The following GRIP1 variants were observed in gnomAD, a reference collection of about 807,000 sequenced individuals.
GRIP1 encodes glutamate receptor-interacting protein 1.
Under a neutral mutation model 129.9 loss-of-function variants are expected in GRIP1, and 45 were observed. That is an observed-to-expected ratio of 0.35 (90% CI 0.27 to 0.44). The LOEUF (loss-of-function observed/expected upper bound fraction) is 0.44, where lower values mean the gene tolerates loss of function less well. GRIP1 is among the 20% of genes least tolerant of loss of function. The probability of loss-of-function intolerance (pLI) is 1.00; values close to 1 mark genes in which losing one functional copy is unlikely to be tolerated. For missense variants in GRIP1, 1,196 were observed against 1,396.8 expected, an observed-to-expected ratio of 0.86 and a Z score of 2.29; for synonymous variants, 530 against 520.8, an observed-to-expected ratio of 1.02 and a Z score of -0.24.
At chr12:66,816,666 T>C (rs1014911744) in intron 1 of GRIP1, among the ~76,000 whole-genome samples, 3 of 152,208 alleles carry the variant, frequency 2.0e-5, no homozygotes, top group African/African-American at 7.2e-5. Context: ...TTTTAAAATA[T>C]AGCCTCAAAA....
At chr12:66,946,005 C>T (rs189738807) in intron 1 of GRIP1, among the ~76,000 whole-genome samples, 1 of 152,336 alleles carries the variant, frequency 6.6e-6, no homozygotes, top group East Asian at 1.9e-4. Flanking sequence ...TCCTCCCCTT[C>T]CTTCTTCCTG....
rs148920025 is a variant in GRIP1, at chr12:66,888,115, T to C, written c.58+180935A>G. ...CTCTGTTGCCCAGGCTGGAGTGCAG[T>C]AGTGCAATCACCACTTACTGCAACC... On this transcript the variant is annotated intron_variant, in intron 1 of 1. Transcript: ENST00000643019. Among the ~76,000 whole-genome samples, 1,317 of 152,250 alleles carry C rather than the reference T, an allele frequency of 8.7e-3. 18 individuals carry two copies. Among genetic ancestry groups the C allele is most frequent in the African/African-American group, 0.03 (1,241 of 41,532 alleles).
chr12:66,760,996 T>C (rs908472633), intron 1 of GRIP1, among the ~76,000 whole-genome samples: 2 of 152,108 alleles, frequency 1.3e-5, no homozygotes, highest in Middle Eastern at 6.3e-3. Context: ...CAGCATAGCA[T>C]GTCACCACAA....
chr12:66,962,637 A>C (rs2041938626), intron 1 of GRIP1, among the ~76,000 whole-genome samples: 2 of 152,192 alleles, frequency 1.3e-5, no homozygotes, highest in South Asian at 4.1e-4. Flanking sequence ...TTAATGAGCC[A>C]GTAAATGTGC....
intron 23 of GRIP1, among the ~76,000 whole-genome samples, chr12:66,369,340 C>CTTTTTTTTT (rs758593628): frequency 1.9e-5 from 2 of 106,790 alleles, no homozygotes; most frequent in African/African-American, 3.9e-5. Flanking sequence ...TTAACAAGAT[C>CTTTTTTTTT]TTTTTTTTTT....
intron 14 of GRIP1, among the ~76,000 whole-genome samples, chr12:66,431,443 A>C (rs1592850070): frequency 6.6e-6 from 1 of 152,172 alleles, no homozygotes; most frequent in African/African-American, 2.4e-5. Context: ...TTAGTGTTGC[A>C]GTAGATATGT....
intron 1 of GRIP1, among the ~76,000 whole-genome samples, chr12:66,955,504 G>GTTT (rs71088226): frequency 4.4e-5 from 5 of 114,538 alleles, no homozygotes; most frequent in East Asian, 2.5e-4. Context: ...TACTTTTTTG[G>GTTT]TTTTTTTTTT....
At chr12:66,947,760 C>T (rs1021050345) in intron 1 of GRIP1, among the ~76,000 whole-genome samples, 6 of 152,204 alleles carry the variant, frequency 3.9e-5, no homozygotes, top group African/African-American at 7.2e-5. Context: ...ACTTCTCCTG[C>T]GACAGGCTAT....
chr12:66,880,293 T>C (rs539162519), intron 1 of GRIP1, among the ~76,000 whole-genome samples: 2 of 152,058 alleles, frequency 1.3e-5, no homozygotes, highest in African/African-American at 4.8e-5. Context: ...AAAAGGGAGT[T>C]GGGGGGATGG....
intron 1 of GRIP1, among the ~76,000 whole-genome samples, chr12:66,835,016 GCA>G (rs961959150): frequency 2.0e-5 from 3 of 152,006 alleles, no homozygotes; most frequent in African/African-American, 7.2e-5. Flanking sequence ...TCTGAGAAAG[GCA>G]CTGAGAAGAG....
At chr12:66,820,067 A>G (rs2039291471) in intron 1 of GRIP1, among the ~76,000 whole-genome samples, 1 of 152,138 alleles carries the variant, frequency 6.6e-6, no homozygotes, top group Non-Finnish European at 1.5e-5. Context: ...GTGAATACTG[A>G]AGAAATATCT....
intron 13 of GRIP1, among the ~76,000 whole-genome samples, chr12:66,440,859 C>T (rs969136759): frequency 2.0e-5 from 3 of 152,182 alleles, no homozygotes; most frequent in African/African-American, 7.2e-5. Context: ...GCAAAATTGA[C>T]CCCAGTTGAG....
intron 1 of GRIP1, among the ~76,000 whole-genome samples, chr12:66,812,028 G>A (rs1026740833): frequency 6.6e-6 from 1 of 151,850 alleles, no homozygotes; most frequent in Admixed American, 6.6e-5. Context: ...AACTTATTTG[G>A]GTTAATAGCA....
intron 1 of GRIP1, among the ~76,000 whole-genome samples, chr12:66,722,696 C>A (rs924847522): frequency 3.3e-5 from 5 of 152,106 alleles, no homozygotes; most frequent in Admixed American, 1.3e-4. Context: ...TATGTAGCTT[C>A]TGGAATAAAT....
At chr12:66,848,265 T>C (rs7962844) in intron 1 of GRIP1, among the ~76,000 whole-genome samples, 146,638 of 152,078 alleles carry the variant, frequency 0.96, 70,952 homozygotes, top group East Asian at 1. Context: ...CCTCTCTCTT[T>C]CCACTCCTCT....
intron 1 of GRIP1, among the ~76,000 whole-genome samples, chr12:66,817,243 C>CACACACACACACAT (rs781019231): frequency 1.5e-5 from 2 of 132,200 alleles, no homozygotes; most frequent in African/African-American, 2.7e-5. Flanking sequence ...CACACACACA[C>CACACACACACACAT]ATATATATTT....
chr12:66,967,801 A>T (rs953837959), intron 1 of GRIP1, among the ~76,000 whole-genome samples: 1 of 152,212 alleles, frequency 6.6e-6, no homozygotes, highest in Non-Finnish European at 1.5e-5. Flanking sequence ...CAGTCTGAGT[A>T]CATACTTTGT....
intron 14 of GRIP1, among the ~76,000 whole-genome samples, chr12:66,422,829 T>G (rs2057854775): frequency 6.6e-6 from 1 of 152,172 alleles, no homozygotes; most frequent in Admixed American, 6.6e-5. Context: ...ATAGGGTGGA[T>G]GCCCATTGGG....
At chr12:66,525,719 T>C (rs2061208800) in intron 5 of GRIP1, among the ~76,000 whole-genome samples, 3 of 152,046 alleles carry the variant, frequency 2.0e-5, no homozygotes, top group Admixed American at 1.3e-4. Context: ...GGTATTCAAT[T>C]AGGAAAAGAG....
Sources: allele counts gnomAD v4.1 joint callset (sites outside exome capture counted in the v4.1 genomes callset), GRCh38; gene constraint gnomAD v4.1.1; transcripts MANE v1.5; gene names NCBI Gene and HGNC (gene_info 2026-07-23, HGNC 2026-07-21).